Variants in CCDC148 observed in about 807,000 individuals in gnomAD.
The protein encoded by CCDC148 is coiled-coil domain containing 148, also known as coiled-coil domain-containing protein 148.
Under a neutral mutation model 85.7 loss-of-function variants are expected in CCDC148, and 89 were observed. The observed-to-expected ratio is 1.04, with a 90% CI of 0.87 to 1.24. CCDC148 has a LOEUF of 1.24. Ranked by LOEUF, CCDC148 falls within the 50% of genes most tolerant of loss-of-function variation. The pLI is 0.00. For missense variants in CCDC148, 692 were observed against 671.7 expected, an observed-to-expected ratio of 1.03 and a Z score of -0.33; for synonymous variants, 230 against 213.9, an observed-to-expected ratio of 1.08 and a Z score of -0.66.
intron 9 of CCDC148, among the ~76,000 whole-genome samples, chr2:158,269,208 A>G (rs1010907174): frequency 6.6e-6 from 1 of 152,108 alleles, no homozygotes; most frequent in Non-Finnish European, 1.5e-5. Context: ...CTTTTTCTCT[A>G]CATCTCACTG....
intron 11 of CCDC148, among the ~76,000 whole-genome samples, chr2:158,180,882 G>C (rs1684866269): frequency 1.3e-5 from 2 of 152,130 alleles, no homozygotes; most frequent in African/African-American, 4.8e-5. Flanking sequence ...ATGGCCATGA[G>C]TGTTCTTGCC....
At chr2:158,430,870 A>G (rs757164498) in intron 1 of CCDC148, among the ~76,000 whole-genome samples, 14 of 151,792 alleles carry the variant, frequency 9.2e-5, no homozygotes, top group Non-Finnish European at 1.8e-4. Context: ...TTAAAAGAAA[A>G]CATAAACATA....
rs868649701 is a variant in CCDC148, at chr2:158,287,865, T to C, written c.1110+21568A>G. Reference sequence around the variant, plus strand: ...TGGCAGCTTCAACGCCACATTTCTCTTCTGTACTGCCTTAGCAGAGGTTCT... The same window carrying C: ...TGGCAGCTTCAACGCCACATTTCTCCTCTGTACTGCCTTAGCAGAGGTTCT... On this transcript the variant is annotated intron_variant, in intron 9 of 13. Coordinates refer to ENST00000283233, the MANE Select transcript of CCDC148 (RefSeq NM_138803.4). 9.8e-5 allele frequency among the ~76,000 whole-genome samples: 15 copies of C among 152,318 alleles called. No homozygotes were observed. In the South Asian group the frequency reaches 2.7e-3, roughly 27 times the overall value.
At chr2:158,328,910 A>G (rs1692938992) in intron 7 of CCDC148, among the ~76,000 whole-genome samples, 1 of 148,086 alleles carries the variant, frequency 6.8e-6, no homozygotes, top group African/African-American at 2.6e-5. Flanking sequence ...GATTCTGGAT[A>G]TTAGCCCTTT....
chr2:158,435,074 C>A (rs1208366498), intron 1 of CCDC148, among the ~76,000 whole-genome samples: 1 of 152,164 alleles, frequency 6.6e-6, no homozygotes, highest in Non-Finnish European at 1.5e-5. Flanking sequence ...TCCAGGAGAA[C>A]TTCCCCAATC....
intron 9 of CCDC148, among the ~76,000 whole-genome samples, chr2:158,277,339 A>AAGGTGAGGTG (rs1689999011): frequency 6.6e-6 from 1 of 152,226 alleles, no homozygotes; most frequent in East Asian, 1.9e-4. Context: ...CCTTGAGGTG[A>AAGGTGAGGTG]TAATGACCAT....
intron 1 of CCDC148, among the ~76,000 whole-genome samples, chr2:158,444,430 T>G (rs1165495569): frequency 6.6e-6 from 1 of 152,080 alleles, no homozygotes; most frequent in Non-Finnish European, 1.5e-5. Flanking sequence ...ATTTAAGTAT[T>G]TGACTAATGA....
intron 9 of CCDC148, among the ~76,000 whole-genome samples, chr2:158,253,538 G>C (rs888343772): frequency 5.9e-5 from 9 of 151,604 alleles, no homozygotes; most frequent in African/African-American, 1.7e-4. Flanking sequence ...TGAGTATGTT[G>C]AATAAAATGT....
Position 158,422,971 on chromosome 2 carries a change from C to A in CCDC148, c.25+33444G>T, listed in dbSNP as rs1686877944. The stretch of plus-strand genomic sequence containing the variant: ...AGAGAGCCAAATCATGAGTGAACTC[C>A]CATTCAGAATTGCTTCAAAGAGAAT... On this transcript the variant is annotated intron_variant, in intron 1 of 13. Coordinates refer to ENST00000283233, the MANE Select transcript of CCDC148 (RefSeq NM_138803.4). Among the ~76,000 whole-genome samples, 3 of 152,048 alleles carry A rather than the reference C, an allele frequency of 2.0e-5. No individual in the cohort carries two copies. In the South Asian group the frequency reaches 6.2e-4, roughly 32 times the overall value.
intron 1 of CCDC148, among the ~76,000 whole-genome samples, chr2:158,433,575 G>C (rs1281866154): frequency 6.6e-6 from 1 of 152,116 alleles, no homozygotes; most frequent in Non-Finnish European, 1.5e-5. Flanking sequence ...GCAGAATATA[G>C]GTGATTTCTG....
At chr2:158,353,305 C>T (rs893010646) in intron 2 of CCDC148, among the ~76,000 whole-genome samples, 1 of 144,228 alleles carries the variant, frequency 6.9e-6, no homozygotes, top group Non-Finnish European at 1.5e-5. Context: ...AGTCAAGACC[C>T]ATCAGTGTGC....
chr2:158,255,881 A>T (rs1688991162), intron 9 of CCDC148, among the ~76,000 whole-genome samples: 1 of 151,762 alleles, frequency 6.6e-6, no homozygotes, highest in East Asian at 1.9e-4. Context: ...ATGCCTACCA[A>T]GGGTTGTCTT....
chr2:158,345,331 G>C lies in CCDC148; in HGVS notation c.148-13C>G, dbSNP rs772850267. ...TTGCTTTTCTGATCTAGATTTAGAG[G>C]AACAAAAGAGGAGCAACTTCAAAGT... On this transcript the variant is annotated splice_polypyrimidine_tract_variant and intron_variant, in intron 2 of 13. Transcript: ENST00000283233. The C allele has an allele frequency of 6.3e-7, 1 of 1,577,356 alleles. No homozygotes were observed. The highest frequency in any genetic ancestry group is 8.7e-7 in the Non-Finnish European group (1 of 1,152,616).
chr2:158,226,539 C>T (rs567488141), intron 10 of CCDC148, among the ~76,000 whole-genome samples: 16 of 152,178 alleles, frequency 1.1e-4, no homozygotes, highest in South Asian at 8.3e-4. Flanking sequence ...TGATGAACAT[C>T]GATGCAAAAA....
At chr2:158,252,742 C>G (rs1688845543) in intron 9 of CCDC148, among the ~76,000 whole-genome samples, 1 of 151,724 alleles carries the variant, frequency 6.6e-6, no homozygotes, top group African/African-American at 2.4e-5. Flanking sequence ...ACCTCTCTAT[C>G]TATGTTCATT....
At chr2:158,370,593 T>C (rs1460326123) in intron 1 of CCDC148, among the ~76,000 whole-genome samples, 1 of 152,042 alleles carries the variant, frequency 6.6e-6, no homozygotes, top group African/African-American at 2.4e-5. Context: ...GAATTCATTT[T>C]TAAATTTTAA....
chr2:158,279,348 A>T (rs893784295), intron 9 of CCDC148, among the ~76,000 whole-genome samples: 1 of 152,196 alleles, frequency 6.6e-6, no homozygotes, highest in Non-Finnish European at 1.5e-5. Flanking sequence ...AGGAAATTCA[A>T]ACCAAAGGCA....
rs150764340 is a variant in CCDC148 at position 158,358,520 on chromosome 2, G to A, written c.76C>T (p.Pro26Ser). The A allele has an allele frequency of 8.5e-5, 136 of 1,604,710 alleles. No individual in the cohort carries two copies. In the African/African-American group the frequency reaches 1.7e-3, roughly 20 times the overall value. Residue 26 changes from proline (P) to serine (S), a missense_variant, in exon 2 of 14, where the codon CCA becomes TCA. Pro to Ser is a moderately conservative substitution (Grantham distance 74, BLOSUM62 -1). Coordinates refer to ENST00000283233, the MANE Select transcript of CCDC148 (RefSeq NM_138803.4). ...GCACGCAATTGTTGATAGTCTACTG[G>A]TTTGTACTTGATGTTTCTCATCTCA... ...KNEMRNIKYKPVDYQQLRALT... is the reference protein window; with the variant it reads ...KNEMRNIKYKSVDYQQLRALT...
At chr2:158,360,471 G>T (rs1292386854) in intron 1 of CCDC148, among the ~76,000 whole-genome samples, 1 of 152,176 alleles carries the variant, frequency 6.6e-6, no homozygotes, top group African/African-American at 2.4e-5. Context: ...GCTTCCAGAG[G>T]AAGGAAGAGG....
Sources: gnomAD v4.1 joint callset for allele counts (sites outside exome capture counted in the v4.1 genomes callset) on GRCh38, gnomAD v4.1.1 for gene constraint, MANE v1.5 for transcripts, NCBI Gene and HGNC (gene_info 2026-07-23, HGNC 2026-07-21) for gene names.